The following XYLT1 variants were observed in gnomAD, a reference collection of about 807,000 sequenced individuals.
The protein encoded by XYLT1 is beta-D-xylosyltransferase 1.
A neutral mutation model predicts 91.3 loss-of-function variants in XYLT1; 36 were observed. The observed-to-expected ratio is 0.39, with a 90% confidence interval of 0.30 to 0.52. XYLT1 has a LOEUF of 0.52. XYLT1 is among the 20% of genes least tolerant of loss of function. The pLI is 0.68. For synonymous variants in XYLT1, 588 were observed against 532.0 expected (o/e 1.11, Z -1.45); for missense variants, 1,242 against 1,284.5 (o/e 0.97, Z 0.51).
At chr16:17,124,573 C>G (rs1173012907) in intron 10 of XYLT1, among the ~76,000 whole-genome samples, 1 of 152,144 alleles carries the variant, frequency 6.6e-6, no homozygotes, top group African/African-American at 2.4e-5. Flanking sequence ...AACTTGATGA[C>G]TATGTGCCTA....
intron 2 of XYLT1, among the ~76,000 whole-genome samples, chr16:17,306,542 G>C (rs2034473321): frequency 7.0e-6 from 1 of 143,680 alleles, no homozygotes; most frequent in Non-Finnish European, 1.6e-5. Flanking sequence ...GTGACAGAGT[G>C]AGACTGTCAC....
At chr16:17,307,370 T>C (rs554356795) in intron 2 of XYLT1, among the ~76,000 whole-genome samples, 2 of 152,318 alleles carry the variant, frequency 1.3e-5, no homozygotes, top group African/African-American at 4.8e-5. Flanking sequence ...CCACCATGCC[T>C]GGCCGAGTCT....
rs1373141674 is a variant in XYLT1 at position 17,105,655 on chromosome 16, C to T, written c.*3040G>A. ...AAAGAATGCTTCCTTCTCCACAAAC[C>T]AATACCCCAAGGCCCACCTGTCAGC... On this transcript the variant is annotated 3_prime_UTR_variant, in exon 12 of 12. Transcript: ENST00000261381. 1 of 152,068 alleles carries T rather than the reference C, an allele frequency of 6.6e-6. No individual in the cohort carries two copies. Among genetic ancestry groups the T allele is most frequent in the Non-Finnish European group, 1.5e-5 (1 of 68,026 alleles). The allele number at this position is 152,068 out of a possible 1,614,324, so 9.4% of individuals were successfully genotyped here.
Position 17,127,778 on chromosome 16 carries a change from G to A in XYLT1, c.2111C>T (p.Ala704Val). ...TAGTTTGCTCACAGCCAGATTGGTA[G>A]CATGATGCTTGATCAGAAAGCCCTG... is the stretch of plus-strand genomic sequence containing the variant. The part of the protein sequence containing the change: ...RFQGFLIKHH[A>V]TNLAVSKLET... The change falls in exon 10 of 12, where the codon GCT becomes GTT. Residue 704 changes from alanine (A) to valine (V), a missense_variant. By Grantham distance (64) the Ala-to-Val change is moderately conservative. Transcript: ENST00000261381. The A allele has an allele frequency of 6.2e-7, 1 of 1,614,176 alleles. No individual in the cohort carries two copies. The highest frequency in any genetic ancestry group is 8.5e-7 in the Non-Finnish European group (1 of 1,180,034).
intron 2 of XYLT1, among the ~76,000 whole-genome samples, chr16:17,351,488 G>T (rs1295156290): frequency 6.6e-6 from 1 of 152,094 alleles, no homozygotes; most frequent in Non-Finnish European, 1.5e-5. Flanking sequence ...ATTCCAGCCT[G>T]GGTGACAGAG....
intron 3 of XYLT1, chr16:17,251,472 C>T (rs1596448788): frequency 2.0e-5 from 3 of 152,348 alleles, no homozygotes; most frequent in African/African-American, 7.2e-5. Context: ...GATGTCTAGA[C>T]TGCAGACCCA....
chr16:17,437,134 C>A (rs1212760216), intron 1 of XYLT1, among the ~76,000 whole-genome samples: 1 of 152,118 alleles, frequency 6.6e-6, no homozygotes, highest in Non-Finnish European at 1.5e-5. Context: ...AAACTCAGGC[C>A]ATCTGTCTGA....
chr16:17,399,397 A>AGG, intron 1 of XYLT1, among the ~76,000 whole-genome samples: 1 of 151,918 alleles, frequency 6.6e-6, no homozygotes, highest in South Asian at 2.1e-4. Context: ...GGTGTGGACA[A>AGG]CTCCAGGCCT....
intron 2 of XYLT1, among the ~76,000 whole-genome samples, chr16:17,298,383 G>A (rs971529522): frequency 1.3e-5 from 2 of 152,184 alleles, no homozygotes; most frequent in African/African-American, 2.4e-5. Context: ...TTCACAGCAC[G>A]CCTGGTGGCG....
intron 1 of XYLT1, chr16:17,446,005 G>A (rs943049303): frequency 2.6e-5 from 4 of 152,204 alleles, no homozygotes; most frequent in South Asian, 2.1e-4. Context: ...ACTCAGGCTC[G>A]GGCCACGGTG....
At chr16:17,365,957 C>T (rs941538758) in intron 1 of XYLT1, among the ~76,000 whole-genome samples, 1 of 151,804 alleles carries the variant, frequency 6.6e-6, no homozygotes, top group Non-Finnish European at 1.5e-5. Flanking sequence ...CTTAGAATTA[C>T]AAGGTTTTGA....
At chr16:17,381,845 T>C (rs1432363922) in intron 1 of XYLT1, among the ~76,000 whole-genome samples, 1 of 152,102 alleles carries the variant, frequency 6.6e-6, no homozygotes, top group Admixed American at 6.6e-5. Flanking sequence ...AAGGAGAAAT[T>C]AAGATTTCTA....
intron 3 of XYLT1, among the ~76,000 whole-genome samples, chr16:17,258,523 G>C (rs576496905): frequency 6.6e-6 from 1 of 151,812 alleles, no homozygotes; most frequent in African/African-American, 2.4e-5. Context: ...AAAGAGAAGA[G>C]AAGAGGGAAA....
At chr16:17,142,827 T>C (rs2031021725) in intron 6 of XYLT1, among the ~76,000 whole-genome samples, 2 of 152,142 alleles carry the variant, frequency 1.3e-5, no homozygotes, top group East Asian at 1.9e-4. Context: ...GGAAAATAGA[T>C]GATTCCTACT....
At chr16:17,244,909 A>C (rs958137039) in intron 3 of XYLT1, among the ~76,000 whole-genome samples, 4 of 152,204 alleles carry the variant, frequency 2.6e-5, no homozygotes, top group Admixed American at 2.6e-4. Flanking sequence ...ACAACAACAA[A>C]AAAATCATCT....
chr16:17,150,926 G>A (rs960765431), intron 6 of XYLT1, among the ~76,000 whole-genome samples: 7 of 152,146 alleles, frequency 4.6e-5, no homozygotes, highest in African/African-American at 1.4e-4. Context: ...GCCTTTATGA[G>A]TGACAGAAAA....
intron 2 of XYLT1, among the ~76,000 whole-genome samples, chr16:17,294,234 T>C (rs889799087): frequency 3.9e-5 from 6 of 152,050 alleles, no homozygotes; most frequent in Non-Finnish European, 7.4e-5. Context: ...GGGAGGTTTC[T>C]GGAAAAGCCA....
intron 2 of XYLT1, among the ~76,000 whole-genome samples, chr16:17,284,867 G>A (rs1455706699): frequency 6.6e-6 from 1 of 152,244 alleles, no homozygotes; most frequent in Admixed American, 6.5e-5. Flanking sequence ...AGATGGGGCT[G>A]TGATATGGAG....
At position 17,145,012 on chromosome 16, in the gene XYLT1, C is replaced by T. The variant is rs201513201; in HGVS notation, c.1371-3643G>A. ...AGCCCCCAAAAGAAAACCCCATACACATTACACAGCCACTCCCCATTCATG... is the reference window on the plus strand; with the variant it reads ...AGCCCCCAAAAGAAAACCCCATACATATTACACAGCCACTCCCCATTCATG... On this transcript the variant is annotated intron_variant, in intron 6 of 11. Coordinates refer to ENST00000261381, the MANE Select transcript of XYLT1 (RefSeq NM_022166.4). Among the ~76,000 whole-genome samples the T allele has an allele frequency of 1.2e-3, 186 of 152,346 alleles. 5 individuals carry two copies. In the East Asian group the frequency reaches 0.03, roughly 25 times the overall value.
Sources: allele counts gnomAD v4.1 joint callset (sites outside exome capture counted in the v4.1 genomes callset), GRCh38; gene constraint gnomAD v4.1.1; transcripts MANE v1.5; gene names NCBI Gene and HGNC (gene_info 2026-07-23, HGNC 2026-07-21).